Variants in MGMT observed in about 807,000 individuals in gnomAD.
The protein encoded by MGMT is O-6-methylguanine-DNA methyltransferase.
MGMT carries 14 observed loss-of-function variants against 15.9 expected under a neutral mutation model. That is an observed-to-expected ratio of 0.88 (90% CI 0.58 to 1.37). The LOEUF is 1.37. Among genes scored for constraint, MGMT ranks in the 40% most tolerant of loss-of-function variants. MGMT has a pLI of 0.00. For synonymous variants in MGMT, 130 were observed against 118.2 expected (o/e 1.10, Z -0.65); for missense variants, 282 against 268.1 (o/e 1.05, Z -0.36).
chr10:129,621,203 ATTG>A (rs1421491322), intron 2 of MGMT, among the ~76,000 whole-genome samples: 1 of 152,196 alleles, frequency 6.6e-6, no homozygotes, highest in East Asian at 1.9e-4. Flanking sequence ...TTCTAATATT[ATTG>A]TTAACTTCTC....
At chr10:129,594,153 G>A (rs1423550303) in intron 2 of MGMT, among the ~76,000 whole-genome samples, 1 of 152,162 alleles carries the variant, frequency 6.6e-6, no homozygotes, top group Non-Finnish European at 1.5e-5. Context: ...GTGGAGGTCT[G>A]GCTGATGCAT....
intron 1 of MGMT, among the ~76,000 whole-genome samples, chr10:129,479,706 A>G (rs1423486006): frequency 6.9e-6 from 1 of 144,246 alleles, no homozygotes; most frequent in African/African-American, 2.5e-5. Flanking sequence ...GGTGGAGGAC[A>G]TGAGTGTGTT....
intron 3 of MGMT, among the ~76,000 whole-genome samples, chr10:129,741,474 G>A (rs1045305046): frequency 2.6e-5 from 4 of 152,142 alleles, no homozygotes; most frequent in African/African-American, 4.8e-5. Context: ...TGGGAGGTTC[G>A]CCAGGACTGC....
At chr10:129,590,932 A>G (rs1464273532) in intron 2 of MGMT, among the ~76,000 whole-genome samples, 2 of 152,228 alleles carry the variant, frequency 1.3e-5, no homozygotes, top group African/African-American at 4.8e-5. Flanking sequence ...GCAAATCTGA[A>G]GGGTGCTTGG....
intron 2 of MGMT, among the ~76,000 whole-genome samples, chr10:129,583,578 G>A (rs1041845130): frequency 1.3e-5 from 2 of 152,178 alleles, no homozygotes; most frequent in Non-Finnish European, 2.9e-5. Flanking sequence ...AGGGGTTGTG[G>A]TTTTGGTCCT....
intron 3 of MGMT, among the ~76,000 whole-genome samples, chr10:129,733,352 T>A (rs935343133): frequency 6.6e-6 from 1 of 152,152 alleles, no homozygotes; most frequent in African/African-American, 2.4e-5. Context: ...TGCATAAATG[T>A]CTACTTTTGA....
chr10:129,624,810 C>T (rs1272941497), intron 2 of MGMT, among the ~76,000 whole-genome samples: 1 of 152,138 alleles, frequency 6.6e-6, no homozygotes, highest in Non-Finnish European at 1.5e-5. Context: ...AGGCGGCACA[C>T]CTTAAACATA....
Position 129,659,126 on chromosome 10 carries a change from G to A in MGMT, c.126-48769G>A, listed in dbSNP as rs1339019153. On this transcript the variant is annotated intron_variant, in intron 2 of 4. Transcript: ENST00000651593. The surrounding 1 kb of genome is among the most constrained non-coding windows in gnomAD (Gnocchi z 4.1). ...AATCCCAACACTTTGGGAGGCCGAG[G>A]CAGGTGGATTACCTAAGGTCAGGAG... Among the ~76,000 whole-genome samples the A allele has an allele frequency of 6.6e-6, 1 of 152,178 alleles. No individual in the cohort carries two copies. The highest frequency in any genetic ancestry group is 1.5e-5 in the Non-Finnish European group (1 of 68,030).
chr10:129,549,013 C>A (rs1846127044), intron 2 of MGMT, among the ~76,000 whole-genome samples: 2 of 152,174 alleles, frequency 1.3e-5, no homozygotes, highest in South Asian at 4.1e-4. Flanking sequence ...TAGCTGGCTT[C>A]TTTGTTAGAA....
intron 2 of MGMT, among the ~76,000 whole-genome samples, chr10:129,576,036 A>C (rs923691969): frequency 2.0e-5 from 3 of 152,242 alleles, no homozygotes; most frequent in African/African-American, 7.2e-5. Context: ...AATTGAGGCA[A>C]TAATTAATAG....
At chr10:129,745,740 A>T (rs965020364) in intron 3 of MGMT, among the ~76,000 whole-genome samples, 4 of 150,506 alleles carry the variant, frequency 2.7e-5, no homozygotes, top group African/African-American at 9.8e-5. Context: ...GTGGTTATTG[A>T]CCCCTCCTTA....
chr10:129,746,715 C>T (rs932500271), intron 3 of MGMT, among the ~76,000 whole-genome samples: 1 of 152,024 alleles, frequency 6.6e-6, no homozygotes, highest in African/African-American at 2.4e-5. Flanking sequence ...GGTATTTATC[C>T]CTTTGCAAAT....
At chr10:129,756,675 G>A (rs1848811035) in intron 3 of MGMT, among the ~76,000 whole-genome samples, 1 of 152,106 alleles carries the variant, frequency 6.6e-6, no homozygotes, top group Admixed American at 6.5e-5. Flanking sequence ...TCACCATATT[G>A]GCTAGGATGG....
rs1479191561 is a variant in MGMT at position 129,566,823 on chromosome 10, C to T, written c.125+30446C>T. On this transcript the variant is annotated intron_variant, in intron 2 of 4. Transcript: ENST00000651593. This position sits in a 1 kb window ranked among gnomAD's most constrained non-coding sequence, Gnocchi z 4.1. Reference sequence around the variant, plus strand: ...GCGGAAAGTCCACATTTTTGAAGAGCTGCAGGCTGGGGAGCCCCCGTGGCG... The same window carrying T: ...GCGGAAAGTCCACATTTTTGAAGAGTTGCAGGCTGGGGAGCCCCCGTGGCG... 6.6e-6 allele frequency among the ~76,000 whole-genome samples: 1 copy of T among 152,106 alleles called. No homozygotes were observed. The highest frequency in any genetic ancestry group is 2.4e-5 in the African/African-American group (1 of 41,412).
chr10:129,668,284 T>C (rs1289725700), intron 2 of MGMT, among the ~76,000 whole-genome samples: 2 of 145,010 alleles, frequency 1.4e-5, no homozygotes, highest in East Asian at 4.0e-4. Flanking sequence ...ATATTCATCT[T>C]AAAAAAAAAA....
rs1296291372 is a variant in MGMT, at chr10:129,556,174, G to A, written c.125+19797G>A. Among the ~76,000 whole-genome samples, 1 of 152,216 alleles carries A rather than the reference G, an allele frequency of 6.6e-6. No homozygotes were observed. Among genetic ancestry groups the A allele is most frequent in the Admixed American group, 6.5e-5 (1 of 15,292 alleles). On this transcript the variant is annotated intron_variant, in intron 2 of 4. Coordinates refer to ENST00000651593, the MANE Select transcript of MGMT (RefSeq NM_002412.5). The surrounding 1 kb of genome is among the most constrained non-coding windows in gnomAD (Gnocchi z 4.3). ...ACCCTCCGCGTCTCACAGAGACCAAGCAGTGCTTTCGGGATCGCTCTGTTG... is the reference window on the plus strand; with the variant it reads ...ACCCTCCGCGTCTCACAGAGACCAAACAGTGCTTTCGGGATCGCTCTGTTG...
intron 2 of MGMT, among the ~76,000 whole-genome samples, chr10:129,546,250 C>T (rs910512483): frequency 6.6e-5 from 10 of 152,196 alleles, no homozygotes; most frequent in Admixed American, 6.5e-5. Context: ...CAGGGGCAGA[C>T]GGGGAAGTGG....
intron 3 of MGMT, among the ~76,000 whole-genome samples, chr10:129,720,471 T>C (rs769631405): frequency 1.8e-4 from 27 of 152,206 alleles, no homozygotes; most frequent in Non-Finnish European, 3.5e-4. Flanking sequence ...GGCTGTCTGC[T>C]CTGTGCTTCA....
At chr10:129,728,739 C>G (rs1848461921) in intron 3 of MGMT, among the ~76,000 whole-genome samples, 1 of 151,722 alleles carries the variant, frequency 6.6e-6, no homozygotes, top group Admixed American at 6.6e-5. Flanking sequence ...GTGTGCCCCA[C>G]CACCCCCTGT....
Sources: gnomAD v4.1 joint callset for allele counts (sites outside exome capture counted in the v4.1 genomes callset) on GRCh38, gnomAD v4.1.1 for gene constraint, Gnocchi (gnomAD v3.1) non-coding constraint, MANE v1.5 for transcripts, NCBI Gene and HGNC (gene_info 2026-07-23, HGNC 2026-07-21) for gene names.